PCDH7: variants seen among roughly 807,000 people sequenced by gnomAD.
The protein encoded by PCDH7 is protocadherin-7.
In PCDH7, 17 loss-of-function variants were observed where a neutral mutation model predicts 58.9. The ratio of observed to expected loss-of-function variants is 0.29; its 90% CI spans 0.20 to 0.43. The LOEUF is 0.43. Ranked by LOEUF, PCDH7 falls within the 20% of genes least tolerant of loss-of-function variation. The probability of loss-of-function intolerance (pLI) is 1.00; values close to 1 mark genes in which losing one functional copy is unlikely to be tolerated. For synonymous variants in PCDH7, 664 were observed against 616.4 expected (o/e 1.08, Z -1.14); for missense variants, 1,274 against 1,441.0 (o/e 0.88, Z 1.88).
At chr4:31,120,939 A>G (rs1032961889) in intron 3 of PCDH7, among the ~76,000 whole-genome samples, 2 of 152,190 alleles carry the variant, frequency 1.3e-5, no homozygotes, top group Admixed American at 6.5e-5. Flanking sequence ...GGAATAATCA[A>G]TTCCCATGAT....
intron 1 of PCDH7, among the ~76,000 whole-genome samples, chr4:30,906,098 A>G (rs1276899238): frequency 1.3e-5 from 2 of 152,164 alleles, no homozygotes; most frequent in Non-Finnish European, 2.9e-5. Flanking sequence ...ATGTTTGATT[A>G]GTATGCATAT....
intron 3 of PCDH7, among the ~76,000 whole-genome samples, chr4:31,037,688 A>G (rs1442286082): frequency 1.3e-5 from 2 of 152,244 alleles, no homozygotes; most frequent in East Asian, 1.9e-4. Flanking sequence ...TCATTCTTTC[A>G]TATCCATTGC....
intron 2 of PCDH7, among the ~76,000 whole-genome samples, chr4:30,927,032 T>C (rs1005784534): frequency 1.3e-5 from 2 of 152,134 alleles, no homozygotes; most frequent in African/African-American, 4.8e-5. Context: ...ACTAGATCAC[T>C]TTGCTGAACC....
chr4:30,887,871 GT>G (rs57677033), intron 1 of PCDH7, among the ~76,000 whole-genome samples: 55,995 of 146,086 alleles, frequency 0.38, 10,653 homozygotes, highest in Admixed American at 0.42. Flanking sequence ...TTTCTTTTTG[GT>G]TTTTTTTTTT....
chr4:30,828,155 T>A (rs1729329340), intron 1 of PCDH7, among the ~76,000 whole-genome samples: 1 of 152,074 alleles, frequency 6.6e-6, no homozygotes, highest in Non-Finnish European at 1.5e-5. Context: ...TAGGTGGTAC[T>A]ATTATTGTTA....
At chr4:31,027,871 G>A (rs1309869068) in intron 3 of PCDH7, among the ~76,000 whole-genome samples, 7 of 152,074 alleles carry the variant, frequency 4.6e-5, no homozygotes, top group African/African-American at 1.7e-4. Context: ...GAACTAACCT[G>A]CTTTGTATCA....
At chr4:31,061,340 T>C (rs182888307) in intron 3 of PCDH7, among the ~76,000 whole-genome samples, 1 of 151,814 alleles carries the variant, frequency 6.6e-6, no homozygotes, top group East Asian at 1.9e-4. Flanking sequence ...GAAGTCTTTT[T>C]CATCTTTTAA....
intron 1 of PCDH7, among the ~76,000 whole-genome samples, chr4:30,755,462 C>A (rs981034220): frequency 6.6e-6 from 1 of 152,150 alleles, no homozygotes; most frequent in African/African-American, 2.4e-5. Flanking sequence ...AGAGAGGCCT[C>A]TAGCCTTGAG....
chr4:31,130,332 G>C (rs1375521546), intron 3 of PCDH7, among the ~76,000 whole-genome samples: 1 of 152,158 alleles, frequency 6.6e-6, no homozygotes, highest in African/African-American at 2.4e-5. Context: ...TTGGATACTA[G>C]AGTGAAGTAG....
At chr4:30,942,131 A>G (rs1746113628) in intron 2 of PCDH7, among the ~76,000 whole-genome samples, 1 of 151,896 alleles carries the variant, frequency 6.6e-6, no homozygotes, top group South Asian at 2.1e-4. Context: ...AGGGTCTTGC[A>G]TATAGTAGAG....
At chr4:30,795,033 T>C (rs1320844519) in intron 1 of PCDH7, among the ~76,000 whole-genome samples, 1 of 152,208 alleles carries the variant, frequency 6.6e-6, no homozygotes, top group Non-Finnish European at 1.5e-5. Flanking sequence ...TGAAAATATA[T>C]AATTTAAACC....
intron 3 of PCDH7, among the ~76,000 whole-genome samples, chr4:31,056,520 G>GAAAGGGA (rs1560608957): frequency 3.3e-5 from 3 of 91,970 alleles, no homozygotes; most frequent in Non-Finnish European, 7.6e-5. Context: ...AAAGAAAGGG[G>GAAAGGGA]AAGGGAAGGG....
chr4:30,968,304 A>C (rs202109291), intron 3 of PCDH7, among the ~76,000 whole-genome samples: 23,998 of 58,340 alleles, frequency 0.41, 3,067 homozygotes, highest in Middle Eastern at 0.53. Flanking sequence ...CTCTCTCTCT[A>C]TATATATATA....
intron 3 of PCDH7, among the ~76,000 whole-genome samples, chr4:30,964,085 T>A (rs1488852705): frequency 6.6e-6 from 1 of 152,180 alleles, no homozygotes; most frequent in South Asian, 2.1e-4. Flanking sequence ...CTTTATATTA[T>A]CTTATTCCAA....
intron 1 of PCDH7, among the ~76,000 whole-genome samples, chr4:30,770,120 C>T (rs1258128250): frequency 1.3e-5 from 2 of 152,170 alleles, no homozygotes; most frequent in African/African-American, 2.4e-5. Context: ...AATGAAAGGG[C>T]AGATGACTCA....
At chr4:30,872,682 G>A (rs1560455261) in intron 1 of PCDH7, among the ~76,000 whole-genome samples, 2 of 151,900 alleles carry the variant, frequency 1.3e-5, no homozygotes, top group Non-Finnish European at 2.9e-5. Flanking sequence ...TCCACACAAC[G>A]CCTAGCTCAT....
At chr4:30,755,458 G>A (rs1365361770) in intron 1 of PCDH7, among the ~76,000 whole-genome samples, 1 of 152,032 alleles carries the variant, frequency 6.6e-6, no homozygotes, top group Non-Finnish European at 1.5e-5. Flanking sequence ...AAAAAGAGAG[G>A]CCTCTAGCCT....
intron 1 of PCDH7, among the ~76,000 whole-genome samples, chr4:30,872,575 A>C (rs1470498408): frequency 1.3e-5 from 2 of 151,976 alleles, no homozygotes; most frequent in African/African-American, 4.8e-5. Context: ...AGTAAATTCA[A>C]ATTTTGACCA....
intron 3 of PCDH7, among the ~76,000 whole-genome samples, chr4:31,087,415 A>G (rs1054243406): frequency 6.6e-5 from 10 of 152,136 alleles, no homozygotes; most frequent in African/African-American, 2.4e-4. Flanking sequence ...ATACAATGCT[A>G]TGCGTTTATA....
Sources: gnomAD v4.1 joint callset for allele counts (sites outside exome capture counted in the v4.1 genomes callset) on GRCh38, gnomAD v4.1.1 for gene constraint, MANE v1.5 for transcripts, NCBI Gene and HGNC (gene_info 2026-07-23, HGNC 2026-07-21) for gene names.